The following DENND1A variants were observed in gnomAD, a reference collection of about 807,000 sequenced individuals.
DENND1A encodes the protein DENN domain-containing protein 1A.
DENND1A carries 51 observed loss-of-function variants against 113.7 expected under a neutral mutation model. That is an observed-to-expected ratio of 0.45 (90% CI 0.36 to 0.57). The LOEUF (loss-of-function observed/expected upper bound fraction) is 0.57, where lower values mean the gene tolerates loss of function less well. DENND1A is among the 20% of genes least tolerant of loss of function. DENND1A has a pLI of 0.00. For missense variants in DENND1A, 1,258 were observed against 1,395.9 expected, an observed-to-expected ratio of 0.90 and a Z score of 1.57; for synonymous variants, 565 against 570.8, an observed-to-expected ratio of 0.99 and a Z score of 0.14.
intron 13 of DENND1A, among the ~76,000 whole-genome samples, chr9:123,475,547 G>A (rs769123332): frequency 9.2e-5 from 14 of 152,192 alleles, no homozygotes; most frequent in Admixed American, 2.6e-4. Flanking sequence ...CCACTGAAGC[G>A]CGGGCTGCTC....
At chr9:123,805,154 C>T (rs1188606726) in intron 2 of DENND1A, among the ~76,000 whole-genome samples, 1 of 152,120 alleles carries the variant, frequency 6.6e-6, no homozygotes, top group Non-Finnish European at 1.5e-5. Context: ...CCAATGTGGC[C>T]TTCCCTAATC....
intron 1 of DENND1A, among the ~76,000 whole-genome samples, chr9:123,921,912 C>CT (rs113646800): frequency 0.12 from 17,876 of 143,644 alleles, 1,544 homozygotes; most frequent in African/African-American, 0.26. Flanking sequence ...CAAAGCCATC[C>CT]TTTTTTTTTT....
At chr9:123,506,862 C>G (rs544189872) in intron 13 of DENND1A, among the ~76,000 whole-genome samples, 3 of 152,086 alleles carry the variant, frequency 2.0e-5, no homozygotes, top group African/African-American at 4.8e-5. Flanking sequence ...GCTTCAGAAC[C>G]CAGAGATGGC....
intron 2 of DENND1A, among the ~76,000 whole-genome samples, chr9:123,799,853 A>G (rs529420455): frequency 3.6e-4 from 55 of 152,336 alleles, no homozygotes; most frequent in African/African-American, 1.3e-3. Flanking sequence ...AATGCTACAG[A>G]CTTCCTAAAG....
chr9:123,635,220 C>CA, intron 9 of DENND1A, among the ~76,000 whole-genome samples: 1 of 152,304 alleles, frequency 6.6e-6, no homozygotes, highest in East Asian at 1.9e-4. Context: ...CCTCCAAAGA[C>CA]AAAACCACAA....
intron 2 of DENND1A, among the ~76,000 whole-genome samples, chr9:123,856,156 A>C (rs575961544): frequency 6.6e-6 from 1 of 152,318 alleles, no homozygotes; most frequent in South Asian, 2.1e-4. Context: ...AAAGATCAAG[A>C]AATTAGACTT....
At chr9:123,708,609 T>C (rs1477057922) in intron 5 of DENND1A, among the ~76,000 whole-genome samples, 2 of 152,192 alleles carry the variant, frequency 1.3e-5, no homozygotes, top group East Asian at 1.9e-4. Flanking sequence ...ATTACAAGTA[T>C]ATAAAAAATA....
intron 8 of DENND1A, among the ~76,000 whole-genome samples, chr9:123,655,135 A>G (rs2062868338): frequency 6.6e-6 from 1 of 152,096 alleles, no homozygotes; most frequent in Admixed American, 6.5e-5. Flanking sequence ...CCCAGCTCCA[A>G]TGTCACCTCC....
intron 13 of DENND1A, among the ~76,000 whole-genome samples, chr9:123,493,519 C>A (rs969568814): frequency 6.6e-6 from 1 of 152,250 alleles, no homozygotes; most frequent in African/African-American, 2.4e-5. Flanking sequence ...ACCAGAAATG[C>A]CTGCTCCATT....
At chr9:123,516,107 TACAC>T (rs199923277) in intron 13 of DENND1A, among the ~76,000 whole-genome samples, 4,623 of 138,498 alleles carry the variant, frequency 0.033, 92 homozygotes, top group African/African-American at 0.049. Flanking sequence ...TACACACACA[TACAC>T]ACACACACAC....
intron 2 of DENND1A, among the ~76,000 whole-genome samples, chr9:123,856,647 C>G (rs933286224): frequency 6.6e-6 from 1 of 151,978 alleles, no homozygotes; most frequent in Admixed American, 6.6e-5. Flanking sequence ...CAGCCATGCA[C>G]GGGGTGTCAA....
intron 10 of DENND1A, among the ~76,000 whole-genome samples, chr9:123,619,314 G>A (rs985177483): frequency 6.6e-6 from 1 of 152,176 alleles, no homozygotes; most frequent in African/African-American, 2.4e-5. Context: ...AAAATCTAAT[G>A]TGTCTGGAAT....
At chr9:123,446,546 T>C (rs1313773756) in intron 18 of DENND1A, among the ~76,000 whole-genome samples, 1 of 151,206 alleles carries the variant, frequency 6.6e-6, no homozygotes, top group Non-Finnish European at 1.5e-5. Flanking sequence ...GCTCGATTTG[T>C]CTTTTAAAGA....
At chr9:123,910,967 T>C (rs1432677752) in intron 1 of DENND1A, among the ~76,000 whole-genome samples, 1 of 152,106 alleles carries the variant, frequency 6.6e-6, no homozygotes. Flanking sequence ...AAACAAGCAC[T>C]ATTAAGTGTA....
At chr9:123,393,557 G>A (rs2042964075) in intron 21 of DENND1A, among the ~76,000 whole-genome samples, 1 of 151,924 alleles carries the variant, frequency 6.6e-6, no homozygotes. Context: ...AAAAAAGAAG[G>A]TGGCTCTGAA....
intron 13 of DENND1A, among the ~76,000 whole-genome samples, chr9:123,500,126 C>T (rs1173533732): frequency 1.3e-5 from 2 of 152,186 alleles, no homozygotes; most frequent in African/African-American, 4.8e-5. Flanking sequence ...TACCCCTCAA[C>T]CTAAAATAAA....
In DENND1A at chr9:123,440,505, G is replaced by A. The variant is rs77690512; in HGVS notation, c.1357-14C>T. 741 of 1,542,218 alleles carry A rather than the reference G, an allele frequency of 4.8e-4. 2 individuals carry two copies. The African/African-American group carries it at 9.1e-3, about 19-fold the overall frequency. ...CTCGGCAATGTCCTGTAGGGAGAAGGATAGTCAGCGGTTGGCACTGGGGTT... is the reference window on the plus strand; with the variant it reads ...CTCGGCAATGTCCTGTAGGGAGAAGAATAGTCAGCGGTTGGCACTGGGGTT... On this transcript the variant is annotated splice_polypyrimidine_tract_variant and intron_variant, in intron 18 of 23. Coordinates refer to ENST00000394215, the MANE Select transcript of DENND1A (RefSeq NM_001352964.2).
intron 12 of DENND1A, among the ~76,000 whole-genome samples, chr9:123,566,291 T>C (rs1217108266): frequency 5.9e-5 from 9 of 152,264 alleles, no homozygotes; most frequent in Admixed American, 5.9e-4. Flanking sequence ...TGGTTGTACC[T>C]TGACCTCAGT....
intron 2 of DENND1A, among the ~76,000 whole-genome samples, chr9:123,876,636 C>G (rs899825719): frequency 6.6e-6 from 1 of 152,118 alleles, no homozygotes; most frequent in African/African-American, 2.4e-5. Flanking sequence ...ATTGACAAAT[C>G]TAAGGAAAGA....
Sources: allele counts gnomAD v4.1 joint callset (sites outside exome capture counted in the v4.1 genomes callset), GRCh38; gene constraint gnomAD v4.1.1; transcripts MANE v1.5; gene names NCBI Gene and HGNC (gene_info 2026-07-23, HGNC 2026-07-21).